The following RGS11 variants were observed in gnomAD, a reference collection of about 807,000 sequenced individuals.
The protein encoded by RGS11 is regulator of G-protein signaling 11.
Under a neutral mutation model 71.1 loss-of-function variants are expected in RGS11, and 86 were observed. The ratio of observed to expected loss-of-function variants is 1.21; its 90% CI spans 1.02 to 1.45. The LOEUF (loss-of-function observed/expected upper bound fraction) is 1.45. RGS11 is among the 40% of genes most tolerant of loss of function. The pLI is 0.00. For synonymous variants in RGS11, 298 were observed against 254.2 expected (o/e 1.17, Z -1.64); for missense variants, 734 against 635.1 (o/e 1.16, Z -1.67).
In RGS11 at chr16:274,240, A is replaced by T; in HGVS notation, c.344T>A (p.Leu115Gln). Residue 115 changes from leucine to glutamine, a missense_variant, in exon 5 of 17, where the codon CTG (leucine) becomes CAG (glutamine). Transcript: ENST00000397770. ...FQTPYFWTSTLRPAAELDYAI... is the reference protein window; with the variant it reads ...FQTPYFWTSTQRPAAELDYAI... ...ATAGTCCAGCTCTGCAGCCGGCCTCAGGGTACTTGTCCAGAAGTACGGGGT... is the reference window on the plus strand; with the variant it reads ...ATAGTCCAGCTCTGCAGCCGGCCTCTGGGTACTTGTCCAGAAGTACGGGGT... The T allele has an allele frequency of 6.2e-7, 1 of 1,611,232 alleles. No homozygotes were observed. Among genetic ancestry groups the T allele is most frequent in the Non-Finnish European group, 8.5e-7 (1 of 1,179,016 alleles).
chr16:269,411 G>A, intron 16 of RGS11, 28 bp from the exon 17 acceptor site: 1 of 1,592,796 alleles, frequency 6.3e-7, no homozygotes. Flanking sequence ...GCTGAGAACA[G>A]GCTGGCCAGC....
At chr16:275,563 C>T (rs1776164601) in intron 1 of RGS11, 65 bp from the exon 2 acceptor site, 1 of 1,317,422 alleles carries the variant, frequency 7.6e-7, no homozygotes, top group Non-Finnish European at 1.0e-6. Flanking sequence ...TGGCACCGGC[C>T]GGGATGCCCC....
At position 275,931 on chromosome 16, in the gene RGS11, C is replaced by A; in HGVS notation, c.-20G>T. The A allele has an allele frequency of 2.7e-6, 1 of 363,850 alleles. No homozygotes were observed. The highest frequency in any genetic ancestry group is 3.1e-6 in the Non-Finnish European group (1 of 326,248). The allele number at this position is 363,850 out of a possible 1,614,324, so 22.5% of individuals were successfully genotyped here. A position where few individuals can be genotyped will look rare whatever the true frequency, so the allele number is the denominator to read the frequency against. On this transcript the variant is annotated 5_prime_UTR_variant, in exon 1 of 17. Coordinates refer to ENST00000397770, the MANE Select transcript of RGS11 (RefSeq NM_183337.3). ...GGCCATGGCTGCGGGGCGAGGCCGGCGGGGATGACCGACGTCCCGCCCGGC... is the reference window on the plus strand; with the variant it reads ...GGCCATGGCTGCGGGGCGAGGCCGGAGGGGATGACCGACGTCCCGCCCGGC...
chr16:271,378 G>C (rs771215119), intron 11 of RGS11, 21 bp downstream of exon 11: 22 of 1,613,402 alleles, frequency 1.4e-5, no homozygotes, highest in Non-Finnish European at 1.8e-5. Flanking sequence ...GTCTCCAGCT[G>C]CCACCCCTCA....
rs377164182 is a variant in RGS11, at chr16:275,943, A to AG, written c.-33_-32insC. On this transcript the variant is annotated 5_prime_UTR_variant, in exon 1 of 17. Coordinates refer to ENST00000397770, the MANE Select transcript of RGS11 (RefSeq NM_183337.3). Reference sequence around the variant, plus strand: ...GGGGCGAGGCCGGCGGGGATGACCGACGTCCCGCCCGGCCCCGCCCCGCGC... The same window carrying AG: ...GGGGCGAGGCCGGCGGGGATGACCGAGCGTCCCGCCCGGCCCCGCCCCGCGC... 431,685 of 431,880 alleles carry AG rather than the reference A, an allele frequency of 1. 215,745 individuals are homozygous for AG. Among genetic ancestry groups the AG allele is most frequent in the Middle Eastern group, 1 (852 of 852 alleles). The allele number at this position is 431,880 out of a possible 1,614,324, so 26.8% of individuals were successfully genotyped here. A position where few individuals can be genotyped will look rare whatever the true frequency, so the allele number is the denominator to read the frequency against.
chr16:273,548 TTGGC>T lies in RGS11; in HGVS notation c.511_514del (p.Ala171SerfsTer21). 1 of 1,560,162 alleles carries T rather than the reference TTGGC, an allele frequency of 6.4e-7. No individual in the cohort carries two copies. Among genetic ancestry groups the T allele is most frequent in the Non-Finnish European group, 8.7e-7 (1 of 1,152,362 alleles). On this transcript the variant is annotated frameshift_variant, in exon 8 of 17. Coordinates refer to ENST00000397770, the MANE Select transcript of RGS11 (RefSeq NM_183337.3). LOFTEE classifies it high-confidence loss of function. ...CAGCCTGTCCCCCTTGCTGCGCTGCTTGGCTGCCCTGGGAGGAGGAGGCCGAGTT... is the reference window on the plus strand; with the variant it reads ...CAGCCTGTCCCCCTTGCTGCGCTGCTTGCCCTGGGAGGAGGAGGCCGAGTT...
At chr16:270,896 C>T in intron 13 of RGS11, 65 bp from the exon 14 acceptor site, 2 of 1,582,164 alleles carry the variant, frequency 1.3e-6, no homozygotes, top group Non-Finnish European at 1.7e-6. Flanking sequence ...GTGGGGGGTT[C>T]CCAGGGAGCT....
chr16:270,881 G>A, intron 13 of RGS11, 50 bp from the exon 14 acceptor site: 2 of 1,589,802 alleles, frequency 1.3e-6, no homozygotes, highest in Non-Finnish European at 1.7e-6. Flanking sequence ...TGGCAGCCAG[G>A]GCCGGTGGGG....
In RGS11 at chr16:275,424, G is replaced by A. The variant is rs553333534; in HGVS notation, c.138C>T (p.Thr46=). 4.4e-6 allele frequency: 7 copies of A among 1,603,480 alleles called. No homozygotes were observed. Among genetic ancestry groups the A allele is most frequent in the South Asian group, 2.2e-5 (2 of 90,970 alleles). The change falls in exon 2 of 17, where the codon ACC becomes ACT. Residue 46 remains threonine (T), a synonymous_variant. Transcript: ENST00000397770. ...VKMRSQRLLV[T]VIPHAVTGSD... Reference sequence around the variant, plus strand: ...CACCTGTCACCGCGTGGGGAATGACGGTGACCAGCAGGCGCTGGCTCCGCA... The same window carrying A: ...CACCTGTCACCGCGTGGGGAATGACAGTGACCAGCAGGCGCTGGCTCCGCA...
chr16:275,103 G>T (rs2141428426), intron 3 of RGS11, 21 bp from the exon 4 acceptor site: 3 of 1,479,228 alleles, frequency 2.0e-6, no homozygotes, highest in East Asian at 2.5e-5. Context: ...GTGGGACGGT[G>T]AGCGCGGGGC....
At position 269,243 on chromosome 16, in the gene RGS11, C is replaced by G; in HGVS notation, c.*26G>C. 6.8e-7 allele frequency: 1 copy of G among 1,464,476 alleles called. No individual in the cohort carries two copies. The highest frequency in any genetic ancestry group is 1.4e-5 in the African/African-American group (1 of 71,814). 90.7% of individuals were successfully genotyped at this position (1,464,476 alleles called of 1,614,324 possible). A position where few individuals can be genotyped will look rare whatever the true frequency, so the allele number is the denominator to read the frequency against. ...CACGCAGGACGTTGAGCTGCAGGGA[C>G]TAGAGTGGCAGATGGGCCAGGTCCA... On this transcript the variant is annotated 3_prime_UTR_variant, in exon 17 of 17. Coordinates refer to ENST00000397770, the MANE Select transcript of RGS11 (RefSeq NM_183337.3).
At chr16:274,387 C>T in intron 4 of RGS11, 122 bp from the exon 5 acceptor site, 1 of 1,037,864 alleles carries the variant, frequency 9.6e-7, no homozygotes, top group Non-Finnish European at 1.4e-6. Context: ...GAGGATCTCC[C>T]TGCCTGCCCA....
rs944609169 is a variant in RGS11 at position 275,438 on chromosome 16, G to T, written c.124C>A (p.Arg42Ser). Reference sequence around the variant, plus strand: ...TGGGGAATGACGGTGACCAGCAGGCGCTGGCTCCGCATCTTCACGCCCTGG... The same window carrying T: ...TGGGGAATGACGGTGACCAGCAGGCTCTGGCTCCGCATCTTCACGCCCTGG... Reference protein sequence around the residue: ...PDQGVKMRSQRLLVTVIPHAV... With the variant: ...PDQGVKMRSQSLLVTVIPHAV... Residue 42 changes from arginine (R) to serine (S), a missense_variant, in exon 2 of 17, where the codon CGC (arginine) becomes AGC (serine). Arg to Ser is a moderately radical substitution (Grantham distance 110). Transcript: ENST00000397770. The T allele has an allele frequency of 3.8e-6, 6 of 1,599,726 alleles. No individual in the cohort carries two copies. Among genetic ancestry groups the T allele is most frequent in the African/African-American group, 2.7e-5 (2 of 74,962 alleles).
chr16:270,965 G>A lies in RGS11; in HGVS notation c.979+19C>T. 1 of 1,596,302 alleles carries A rather than the reference G, an allele frequency of 6.3e-7. No homozygotes were observed. The highest frequency in any genetic ancestry group is 8.6e-7 in the Non-Finnish European group (1 of 1,165,728). On this transcript the variant is annotated intron_variant, in intron 13 of 16. Coordinates refer to ENST00000397770, the MANE Select transcript of RGS11 (RefSeq NM_183337.3). ...CAGCCTCCCCGCTGGGACTGGAGCA[G>A]GGGCTGGGGGGTTCTCACCACTGAA...
chr16:273,580 G>A, intron 7 of RGS11, 24 bp from the exon 8 acceptor site: 2 of 1,553,848 alleles, frequency 1.3e-6, no homozygotes, highest in Non-Finnish European at 1.7e-6. Context: ...GCCGAGTTGA[G>A]GGCACGCCCT....
Position 275,062 on chromosome 16 carries a change from C to T in RGS11, c.232G>A (p.Val78Ile), listed in dbSNP as rs779876035. The change falls in exon 4 of 17, where the codon GTC (valine) becomes ATC (isoleucine). Residue 78 changes from valine (V) to isoleucine (I), a missense_variant. Val to Ile is a conservative substitution (Grantham distance 29). Transcript: ENST00000397770. Reference protein sequence around the residue: ...SEEEALHLGAVLVQHGYIYPL... With the variant: ...SEEEALHLGAILVQHGYIYPL... ...TAGATGTAGCCATGCTGCACCAGGA[C>T]GGCGCCCAGGTGCAGGGCCTCTGGG... 6.7e-6 allele frequency: 10 copies of T among 1,483,168 alleles called. No homozygotes were observed. Among genetic ancestry groups the T allele is most frequent in the Non-Finnish European group, 8.1e-6 (9 of 1,115,032 alleles). The allele number at this position is 1,483,168 out of a possible 1,614,324, so 91.9% of individuals were successfully genotyped here.
At chr16:273,920 T>C in intron 6 of RGS11, 84 bp from the exon 7 acceptor site, 1 of 1,493,644 alleles carries the variant, frequency 6.7e-7, no homozygotes, top group South Asian at 1.1e-5. Flanking sequence ...TTGGGGACTG[T>C]CTTGGGTTTT....
intron 9 of RGS11, chr16:272,183 A>G: frequency 1.7e-6 from 2 of 1,166,858 alleles, no homozygotes; most frequent in Non-Finnish European, 2.2e-6. Flanking sequence ...TTTAAACAAC[A>G]CATACTTGAG....
intron 8 of RGS11, 146 bp downstream of exon 8, chr16:273,329 G>T (rs1596905745): frequency 1.6e-6 from 1 of 639,528 alleles, no homozygotes; most frequent in South Asian, 2.0e-5. Context: ...ACTAAGTCAC[G>T]AAGTGAAAAC....
Sources: allele counts gnomAD v4.1 joint callset, GRCh38; gene constraint gnomAD v4.1.1; transcripts MANE v1.5; gene names NCBI Gene and HGNC (gene_info 2026-07-23, HGNC 2026-07-21).